DMD: variants seen among roughly 807,000 people sequenced by gnomAD.
DMD encodes the protein dystrophin, also known as mutant dystrophin.
DMD carries 63 observed loss-of-function variants against 330.1 expected under a neutral mutation model. That is an observed-to-expected ratio of 0.19 (90% CI 0.16 to 0.24). DMD has a LOEUF of 0.24. DMD is among the 10% of genes least tolerant of loss of function. The pLI, the probability that DMD is intolerant of heterozygous loss-of-function variation, is 1.00. For synonymous variants in DMD, 1,223 were observed against 959.8 expected, an observed-to-expected ratio of 1.27 and a Z score of -5.07; for missense variants, 3,344 against 2,684.1, an observed-to-expected ratio of 1.25 and a Z score of -5.43.
At chrX:31,764,353 T>C (rs1263011838) in intron 51 of DMD, among the ~76,000 whole-genome samples, 1 of 111,790 alleles carries the variant, frequency 8.9e-6, no homozygotes, top group Non-Finnish European at 1.9e-5. Context: ...AGTGGCAGGC[T>C]AATTTTTATG....
chrX:32,928,846 C>A (rs765934081), intron 2 of DMD, among the ~76,000 whole-genome samples: 1 of 112,160 alleles, frequency 8.9e-6, no homozygotes, highest in South Asian at 3.7e-4. Flanking sequence ...GTACTACAAA[C>A]AAATATAATG....
Position 32,263,698 on chromosome X carries a change from G to T in DMD, c.6290+23831C>A, listed in dbSNP as rs1001561422. Reference sequence around the variant, plus strand: ...ACATGAAACACATATGCTAGCTCTGGACGACAAAAGAAGATGAAAATGTCC... The same window carrying T: ...ACATGAAACACATATGCTAGCTCTGTACGACAAAAGAAGATGAAAATGTCC... On this transcript the variant is annotated intron_variant, in intron 43 of 78. Coordinates refer to ENST00000357033, the MANE Select transcript of DMD (RefSeq NM_004006.3). Among the ~76,000 whole-genome samples the T allele has an allele frequency of 6.3e-5, 7 of 111,263 alleles. No individual in the cohort carries two copies. The South Asian group carries it at 2.6e-3, about 42-fold the overall frequency.
chrX:32,402,019 T>C (rs1281410831), intron 30 of DMD, among the ~76,000 whole-genome samples: 1 of 112,158 alleles, frequency 8.9e-6, no homozygotes, highest in Non-Finnish European at 1.9e-5. Flanking sequence ...ATTATTAAAG[T>C]GGAGAAAGCA....
At chrX:32,335,670 A>AACATATAC (rs1569558437) in intron 41 of DMD, among the ~76,000 whole-genome samples, 2 of 101,911 alleles carry the variant, frequency 2.0e-5, no homozygotes, top group Non-Finnish European at 3.9e-5. Context: ...ACATATACAT[A>AACATATAC]ATATGTATAT....
At chrX:32,380,263 A>C (rs1484708168) in intron 34 of DMD, among the ~76,000 whole-genome samples, 1 of 111,204 alleles carries the variant, frequency 9.0e-6, no homozygotes, top group Non-Finnish European at 1.9e-5. Flanking sequence ...CTAATGACCT[A>C]TGTATTTCTT....
intron 45 of DMD, among the ~76,000 whole-genome samples, chrX:31,934,025 T>C (rs949523375): frequency 9.9e-5 from 11 of 110,914 alleles, no homozygotes; most frequent in Non-Finnish European, 1.1e-4. Context: ...AAGAGCTCAA[T>C]TGGGCATTAG....
chrX:31,456,834 ATATGTGTG>A (rs1288760089), intron 59 of DMD, among the ~76,000 whole-genome samples: 7 of 67,082 alleles, frequency 1.0e-4, no homozygotes, highest in African/African-American at 4.3e-4. Flanking sequence ...GTGCCCACAT[ATATGTGTG>A]TGTGTGTGTG....
At chrX:32,801,409 T>A (rs1049282050) in intron 7 of DMD, among the ~76,000 whole-genome samples, 3 of 111,973 alleles carry the variant, frequency 2.7e-5, no homozygotes, top group Admixed American at 9.4e-5. Flanking sequence ...ATTCTGGATA[T>A]TAGCCCTTTG....
intron 1 of DMD, among the ~76,000 whole-genome samples, chrX:33,178,281 G>A (rs1011171848): frequency 1.8e-5 from 2 of 112,134 alleles, no homozygotes; most frequent in African/African-American, 3.2e-5. Context: ...GAGGCTGGAG[G>A]TCCAGCAGCC....
chrX:31,693,631 T>G (rs1467364587), intron 52 of DMD, among the ~76,000 whole-genome samples: 3 of 111,426 alleles, frequency 2.7e-5, no homozygotes, highest in African/African-American at 9.8e-5. Context: ...TTATTGTTTG[T>G]ACAATAACAA....
intron 63 of DMD, among the ~76,000 whole-genome samples, chrX:31,225,675 G>A (rs950558286): frequency 3.6e-5 from 4 of 111,770 alleles, no homozygotes; most frequent in Non-Finnish European, 7.5e-5. Context: ...AGATTTCCTA[G>A]GCCCCACCTC....
At chrX:32,011,150 A>T (rs1035715367) in intron 44 of DMD, among the ~76,000 whole-genome samples, 4 of 111,976 alleles carry the variant, frequency 3.6e-5, no homozygotes, top group Non-Finnish European at 7.5e-5. Flanking sequence ...GCTTAATGCA[A>T]ATCATTGACG....
intron 52 of DMD, among the ~76,000 whole-genome samples, chrX:31,702,801 A>C (rs916518983): frequency 4.6e-5 from 5 of 109,079 alleles, no homozygotes; most frequent in African/African-American, 1.3e-4. Flanking sequence ...CCACTGATTT[A>C]ATGTTAGCCT....
At position 31,168,948 on chromosome X, in the gene DMD, A is replaced by G. The variant is rs1011621723; in HGVS notation, c.10553+495T>C. On this transcript the variant is annotated intron_variant, in intron 74 of 78. Coordinates refer to ENST00000357033, the MANE Select transcript of DMD (RefSeq NM_004006.3). ...GATGGCTGACAATTGGAATTGTCTC[A>G]CTAACCTGCTATGATGGTGAGCATA... Among the ~76,000 whole-genome samples, 3 of 111,526 alleles carry G rather than the reference A, an allele frequency of 2.7e-5. No homozygotes were observed. In the East Asian group the frequency reaches 8.4e-4, roughly 31 times the overall value.
At chrX:32,591,424 C>A (rs1456452509) in intron 13 of DMD, among the ~76,000 whole-genome samples, 1 of 112,055 alleles carries the variant, frequency 8.9e-6, no homozygotes, top group Non-Finnish European at 1.9e-5. Context: ...TGGGCTTAAC[C>A]ATGTTTCTCC....
At chrX:32,005,404 T>TA (rs1206131866) in intron 44 of DMD, among the ~76,000 whole-genome samples, 1 of 111,278 alleles carries the variant, frequency 9.0e-6, no homozygotes, top group Non-Finnish European at 1.9e-5. Flanking sequence ...TACTGTACTA[T>TA]AAAAAATTAT....
intron 1 of DMD, among the ~76,000 whole-genome samples, chrX:33,086,906 T>A (rs966444769): frequency 1.5e-4 from 17 of 110,697 alleles, no homozygotes; most frequent in African/African-American, 5.2e-4. Context: ...TGTATTTTTT[T>A]ATTTAAAGGG....
In DMD at chrX:32,601,559, C is replaced by T. The variant is rs187684111; in HGVS notation, c.1483-5683G>A. Among the ~76,000 whole-genome samples the T allele has an allele frequency of 6.6e-3, 731 of 111,484 alleles. 6 individuals are homozygous for T. Among genetic ancestry groups the T allele is most frequent in the African/African-American group, 0.022 (687 of 30,809 alleles). On this transcript the variant is annotated intron_variant, in intron 12 of 78. Transcript: ENST00000357033. ...GAAACTGTTTTAAAAATAAAGTAGA[C>T]AATTAATGTACTCCTACATATGGAA...
intron 7 of DMD, among the ~76,000 whole-genome samples, chrX:32,767,770 G>A (rs892654849): frequency 3.6e-5 from 4 of 111,532 alleles, no homozygotes; most frequent in African/African-American, 6.5e-5. Context: ...CACAAGAACC[G>A]ATGCTTTCAA....
Sources: gnomAD v4.1 joint callset for allele counts (sites outside exome capture counted in the v4.1 genomes callset) on GRCh38, gnomAD v4.1.1 for gene constraint, MANE v1.5 for transcripts, NCBI Gene and HGNC (gene_info 2026-07-23, HGNC 2026-07-21) for gene names.